Variants in ANK1 observed in about 807,000 individuals in gnomAD.
ANK1 encodes ankyrin 1.
ANK1 carries 51 observed loss-of-function variants against 210.4 expected under a neutral mutation model. That is an observed-to-expected ratio of 0.24 (90% CI 0.19 to 0.31). ANK1 has a LOEUF of 0.31. Ranked by LOEUF, ANK1 falls within the 10% of genes least tolerant of loss-of-function variation. The pLI is 1.00. For missense variants in ANK1, 2,051 were observed against 2,504.4 expected (o/e 0.82, Z 3.86); for synonymous variants, 967 against 1,025.9 (o/e 0.94, Z 1.10).
At chr8:41,896,400 T>C (rs759124161) in exon 1 of ANK1, 2 of 1,602,730 alleles carry the variant, frequency 1.2e-6, no homozygotes, top group Non-Finnish European at 1.7e-6. Context: ...TCCTGTTGGA[T>C]TCCTCCTTCT....
chr8:41,735,590 G>A (rs1179238935), intron 2 of ANK1, among the ~76,000 whole-genome samples: 2 of 152,038 alleles, frequency 1.3e-5, no homozygotes, highest in Admixed American at 6.6e-5. Flanking sequence ...AAATATCTCC[G>A]CAGCCCCACC....
intron 42 of ANK1, chr8:41,661,051 C>A (rs1414205329): frequency 4.8e-6 from 1 of 209,362 alleles, no homozygotes; most frequent in Non-Finnish European, 9.5e-6. Context: ...TTTTTTTTTT[C>A]TTTTTTTTGT....
At chr8:41,827,726 ACACACATC>A (rs1805661881) in intron 1 of ANK1, among the ~76,000 whole-genome samples, 1 of 86,162 alleles carries the variant, frequency 1.2e-5, no homozygotes, top group Non-Finnish European at 2.2e-5. Flanking sequence ...ACTCACACTC[ACACACATC>A]CACACACGCA....
intron 1 of ANK1, among the ~76,000 whole-genome samples, chr8:41,849,481 A>G (rs1258521947): frequency 6.6e-6 from 1 of 151,856 alleles, no homozygotes; most frequent in Non-Finnish European, 1.5e-5. Context: ...CTGAGATCAC[A>G]CCATTGTACT....
chr8:41,812,893 G>T (rs1563829230), intron 1 of ANK1, among the ~76,000 whole-genome samples: 1 of 152,180 alleles, frequency 6.6e-6, no homozygotes, highest in African/African-American at 2.4e-5. Flanking sequence ...CGGAGCTCAG[G>T]CAGCAATGCT....
chr8:41,894,983 G>A (rs1228819470), intron 1 of ANK1, among the ~76,000 whole-genome samples: 1 of 152,142 alleles, frequency 6.6e-6, no homozygotes, highest in Non-Finnish European at 1.5e-5. Flanking sequence ...CTCAAGGGAG[G>A]TGGGGACGTC....
At chr8:41,688,323 T>A (rs1818262216) in intron 34 of ANK1, 93 bp from the exon 35 acceptor site, 5 of 1,468,016 alleles carry the variant, frequency 3.4e-6, no homozygotes, top group South Asian at 1.1e-5. Flanking sequence ...GGCTTCCGTG[T>A]GCACTGGGGT....
rs1274678640 is a variant in ANK1, at chr8:41,697,884, C to G, written c.2637+159G>C. The G allele has an allele frequency of 5.3e-6, 4 of 754,628 alleles. 1 individual carries two copies. Among genetic ancestry groups the G allele is most frequent in the East Asian group, 2.7e-5 (1 of 37,100 alleles). The allele number at this position is 754,628 out of a possible 1,614,324, so 46.7% of individuals were successfully genotyped here. ...CCCACCCAGCGCCACCAATGTTGCA[C>G]CATTATGAGGCGTCCAAGCGTGGAA... is the stretch of plus-strand genomic sequence containing the variant. On this transcript the variant is annotated intron_variant, in intron 24 of 42. Coordinates refer to ENST00000289734, the MANE Select transcript of ANK1 (RefSeq NM_000037.4).
chr8:41,752,763 C>A (rs566168974), intron 2 of ANK1, among the ~76,000 whole-genome samples: 81 of 150,940 alleles, frequency 5.4e-4, no homozygotes, highest in Non-Finnish European at 9.4e-4. Context: ...TCCAAGATGC[C>A]CACACGTCCC....
In ANK1 at chr8:41,661,531, G is replaced by A; in HGVS notation, c.5578C>T (p.Leu1860=). The stretch of plus-strand genomic sequence containing the variant: ...TGCGCCCCCTTCCTGCCCTCTATCA[G>A]GTCCGGCTGTAGGCCACTCCCTCTC... ...ELRGSGLQPD[L]IEGRKGAQIV... Residue 1860 remains leucine (L), a synonymous_variant, in exon 42 of 43, where the codon CTG becomes TTG. Coordinates refer to ENST00000289734, the MANE Select transcript of ANK1 (RefSeq NM_000037.4). 1.2e-6 allele frequency: 2 copies of A among 1,613,994 alleles called. No homozygotes were observed. The highest frequency in any genetic ancestry group is 1.7e-6 in the Non-Finnish European group (2 of 1,180,010).
intron 1 of ANK1, among the ~76,000 whole-genome samples, chr8:41,863,153 T>C (rs6981032): frequency 0.38 from 58,378 of 151,816 alleles, 11,944 homozygotes; most frequent in African/African-American, 0.54. Flanking sequence ...GGTCAGGAGA[T>C]TGAGACCATC....
chr8:41,719,674 T>C lies in ANK1; in HGVS notation c.1094A>G (p.Asn365Ser), dbSNP rs771419729. 1 of 1,614,068 alleles carries C rather than the reference T, an allele frequency of 6.2e-7. No homozygotes were observed. The highest frequency in any genetic ancestry group is 1.1e-5 in the South Asian group (1 of 91,072). Reference sequence around the variant, plus strand: ...ACCCCCACTCACCAGGGCTCTGGAGTTGGGTTTGGCCCCTTTATCCAGAAG... The same window carrying C: ...ACCCCCACTCACCAGGGCTCTGGAGCTGGGTTTGGCCCCTTTATCCAGAAG... ...KVLLDKGAKP[N>S]SRALNGFTPL... The change falls in exon 10 of 43, where the codon AAC becomes AGC. Residue 365 changes from asparagine (N) to serine (S), a missense_variant. This residue lies in a region of ANK1 where 1,413 missense variants were observed against 1,707.4 expected (regional missense o/e 0.83). Coordinates refer to ENST00000289734, the MANE Select transcript of ANK1 (RefSeq NM_000037.4).
At chr8:41,856,266 T>C (rs1307845833) in intron 1 of ANK1, among the ~76,000 whole-genome samples, 1 of 152,212 alleles carries the variant, frequency 6.6e-6, no homozygotes. Context: ...TCTAGGTTAA[T>C]AATCCTTGAT....
rs200067567 is a variant in ANK1, at chr8:41,661,882, G to A, written c.5538C>T (p.His1846=). 1.9e-5 allele frequency: 31 copies of A among 1,613,938 alleles called. No homozygotes were observed. The highest frequency in any genetic ancestry group is 8.8e-5 in the South Asian group (8 of 91,094). The change falls in exon 41 of 43, where the codon CAC becomes CAT. Residue 1846 remains histidine (H), a synonymous_variant. Coordinates refer to ENST00000289734, the MANE Select transcript of ANK1 (RefSeq NM_000037.4). ...DLSSADAAQE[H]EEVELRGSGL... Reference sequence around the variant, plus strand: ...GGGGCCCCTCTACAGTCACCTCCTCGTGCTCCTGGGCGGCATCGGCGCTGG... The same window carrying A: ...GGGGCCCCTCTACAGTCACCTCCTCATGCTCCTGGGCGGCATCGGCGCTGG...
chr8:41,845,965 T>A (rs1033413668), intron 1 of ANK1, among the ~76,000 whole-genome samples: 5 of 152,210 alleles, frequency 3.3e-5, no homozygotes, highest in African/African-American at 1.2e-4. Context: ...CATATTCATT[T>A]CTACCATTTT....
chr8:41,663,114 C>CTCTG (rs1554517870), intron 40 of ANK1, among the ~76,000 whole-genome samples: 1,778 of 145,168 alleles, frequency 0.012, 14 homozygotes, highest in Non-Finnish European at 0.017. Context: ...CTCTCTCTCT[C>CTCTG]TGTGTGTGTG....
At chr8:41,889,701 C>T (rs1819069315) in intron 1 of ANK1, among the ~76,000 whole-genome samples, 1 of 152,248 alleles carries the variant, frequency 6.6e-6, no homozygotes, top group South Asian at 2.1e-4. Context: ...CAACACCACA[C>T]ATTCCATTAT....
intron 1 of ANK1, among the ~76,000 whole-genome samples, chr8:41,863,231 C>T (rs1415392862): frequency 3.3e-5 from 5 of 150,926 alleles, no homozygotes; most frequent in African/African-American, 4.9e-5. Context: ...TTGTGGCGGG[C>T]GCCTGTAGTC....
At chr8:41,836,924 G>GA (rs869199711) in intron 1 of ANK1, among the ~76,000 whole-genome samples, 2,603 of 119,916 alleles carry the variant, frequency 0.022, 56 homozygotes, top group African/African-American at 0.05. Flanking sequence ...TATCTCTGGG[G>GA]AAAAAAAAAA....
Sources: gnomAD v4.1 joint callset for allele counts (sites outside exome capture counted in the v4.1 genomes callset) on GRCh38, gnomAD v4.1.1 for gene constraint, gnomAD v4.1.1 regional missense constraint, MANE v1.5 for transcripts, NCBI Gene and HGNC (gene_info 2026-07-23, HGNC 2026-07-21) for gene names.